The following RAD51C variants were observed in gnomAD, a reference collection of about 807,000 sequenced individuals.
The protein encoded by RAD51C is DNA repair protein RAD51 homolog 3.
A neutral mutation model predicts 45.0 loss-of-function variants in RAD51C; 42 were observed. The observed-to-expected ratio is 0.93, with a 90% confidence interval of 0.73 to 1.21. RAD51C has a LOEUF of 1.21. RAD51C is among the 50% of genes most tolerant of loss of function. The pLI, the probability that RAD51C is intolerant of heterozygous loss-of-function variation, is 0.00. For synonymous variants in RAD51C, 172 were observed against 159.8 expected (o/e 1.08, Z -0.58); for missense variants, 474 against 452.2 (o/e 1.05, Z -0.44).
intron 5 of RAD51C, among the ~76,000 whole-genome samples, chr17:58,714,204 CAA>C (rs2048654220): frequency 6.6e-6 from 1 of 152,072 alleles, no homozygotes; most frequent in African/African-American, 2.4e-5. Context: ...AGGCTGGTCT[CAA>C]ACTCCTGACC....
chr17:58,729,523 A>G (rs778574416), intron 7 of RAD51C, among the ~76,000 whole-genome samples: 5 of 151,164 alleles, frequency 3.3e-5, no homozygotes, highest in African/African-American at 9.7e-5. Context: ...CCTGAGGATG[A>G]TTTTCAACCT....
intron 4 of RAD51C, among the ~76,000 whole-genome samples, chr17:58,704,049 CCTGGCCCTT>C (rs1358998922): frequency 6.9e-6 from 1 of 145,830 alleles, no homozygotes; most frequent in Non-Finnish European, 1.5e-5. Context: ...AGCCACTGTG[CCTGGCCCTT>C]TAATTTTGGT....
intron 7 of RAD51C, among the ~76,000 whole-genome samples, chr17:58,728,736 AT>A (rs1253618174): frequency 3.9e-5 from 6 of 152,176 alleles, no homozygotes; most frequent in Non-Finnish European, 8.8e-5. Context: ...TATATTGGGC[AT>A]TGAACTTAGG....
intron 8 of RAD51C, 156 bp downstream of exon 8, chr17:58,732,700 T>G: frequency 1.4e-6 from 1 of 700,972 alleles, no homozygotes; most frequent in South Asian, 1.6e-5. Context: ...AATAGTAGTA[T>G]ATACAGAATA....
chr17:58,724,887 T>C (rs2049059326), intron 7 of RAD51C, among the ~76,000 whole-genome samples: 2 of 152,176 alleles, frequency 1.3e-5, no homozygotes, highest in Non-Finnish European at 2.9e-5. Context: ...AAAGATGGAA[T>C]AAAAGGTCAC....
chr17:58,712,554 C>G (rs2048595040), intron 5 of RAD51C, among the ~76,000 whole-genome samples: 1 of 152,016 alleles, frequency 6.6e-6, no homozygotes, highest in South Asian at 2.1e-4. Flanking sequence ...GGTGTGGTGG[C>G]TCACGCCTGT....
intron 7 of RAD51C, among the ~76,000 whole-genome samples, chr17:58,725,628 G>GA (rs928885828): frequency 2.6e-5 from 4 of 152,120 alleles, no homozygotes; most frequent in Non-Finnish European, 5.9e-5. Flanking sequence ...CAAGAGATCA[G>GA]AAAATCACGC....
chr17:58,724,016 A>G, intron 6 of RAD51C, 24 bp from the exon 7 acceptor site: 1 of 1,589,138 alleles, frequency 6.3e-7, no homozygotes, highest in Non-Finnish European at 8.6e-7. Context: ...GGCCATATAC[A>G]GTTATTATGT....
intron 7 of RAD51C, among the ~76,000 whole-genome samples, chr17:58,730,146 C>A (rs2049354588): frequency 6.6e-6 from 1 of 150,710 alleles, no homozygotes; most frequent in Non-Finnish European, 1.5e-5. Flanking sequence ...GTTTATAATT[C>A]CACTCAACAC....
chr17:58,712,043 A>C (rs1311049786), intron 5 of RAD51C, among the ~76,000 whole-genome samples: 2 of 152,070 alleles, frequency 1.3e-5, no homozygotes, highest in Non-Finnish European at 2.9e-5. Flanking sequence ...TCTAAAAAAA[A>C]AAATACATAA....
intron 5 of RAD51C, among the ~76,000 whole-genome samples, chr17:58,716,377 G>A (rs2048737502): frequency 6.6e-6 from 1 of 152,150 alleles, no homozygotes; most frequent in African/African-American, 2.4e-5. Flanking sequence ...AAAATGTACA[G>A]TCTAGTACAG....
At chr17:58,692,862 C>G (rs2047827999) in intron 1 of RAD51C, 74 bp downstream of exon 1, 2 of 1,605,682 alleles carry the variant, frequency 1.2e-6, no homozygotes, top group Non-Finnish European at 1.7e-6. Flanking sequence ...TCTCTCGCCT[C>G]GGCCTTCAGC....
intron 7 of RAD51C, among the ~76,000 whole-genome samples, chr17:58,727,248 C>T (rs1380863786): frequency 6.6e-6 from 1 of 151,770 alleles, no homozygotes; most frequent in Non-Finnish European, 1.5e-5. Context: ...TCTCAGCCTG[C>T]CGAGTAGCTG....
At chr17:58,727,971 A>G (rs942368878) in intron 7 of RAD51C, among the ~76,000 whole-genome samples, 2 of 151,502 alleles carry the variant, frequency 1.3e-5, no homozygotes, top group African/African-American at 4.8e-5. Context: ...GGCCGGGCGC[A>G]GTGGCTGACA....
rs545445561 is a variant in RAD51C at position 58,708,319 on chromosome 17, T to G, written c.706-1540T>G. On this transcript the variant is annotated intron_variant, in intron 4 of 8. Transcript: ENST00000337432. ...ATCGGAAATTACCTTATTTGTGTGTTTGTTTGCATATTAATGGTCCCTTAC... is the reference window on the plus strand; with the variant it reads ...ATCGGAAATTACCTTATTTGTGTGTGTGTTTGCATATTAATGGTCCCTTAC... Among the ~76,000 whole-genome samples, 196 of 152,252 alleles carry G rather than the reference T, an allele frequency of 1.3e-3. 1 individual carries two copies. Among genetic ancestry groups the G allele is most frequent in the African/African-American group, 4.2e-3 (174 of 41,550 alleles).
rs1311969744 is a variant in RAD51C, at chr17:58,692,724, G to A, written c.81G>A (p.Leu27=). The A allele has an allele frequency of 6.2e-7, 1 of 1,614,238 alleles. No homozygotes were observed. The highest frequency in any genetic ancestry group is 1.7e-5 in the Admixed American group (1 of 60,024). Residue 27 remains leucine (L), a synonymous_variant, in exon 1 of 9, where the codon CTG becomes CTA. Transcript: ENST00000337432. ...TGTCTCCAGCGGTGCGGGTGAAGCTGGTGTCTGCGGGGTTCCAGACTGCTG... is the reference window on the plus strand; with the variant it reads ...TGTCTCCAGCGGTGCGGGTGAAGCTAGTGTCTGCGGGGTTCCAGACTGCTG... The part of the protein sequence containing the change: ...FPLSPAVRVK[L]VSAGFQTAEE...
intron 4 of RAD51C, chr17:58,709,518 C>G (rs1255635008): frequency 5.2e-6 from 1 of 191,306 alleles, no homozygotes; most frequent in African/African-American, 2.4e-5. Flanking sequence ...AAATAAAGCC[C>G]TGGGTTTTAA....
chr17:58,734,697 C>T lies in RAD51C; in HGVS notation c.*475C>T, dbSNP rs564452432. ...GCAACCTCCGCCTCCCAGGTTCAAG[C>T]GATTCATCTGCCTCAGCCTCCCGAG... On this transcript the variant is annotated 3_prime_UTR_variant, in exon 9 of 9. Coordinates refer to ENST00000337432, the MANE Select transcript of RAD51C (RefSeq NM_058216.3). The T allele has an allele frequency of 1.1e-4, 18 of 159,736 alleles. No homozygotes were observed. In the South Asian group the frequency reaches 2.3e-3, roughly 21 times the overall value. The allele number at this position is 159,736 out of a possible 1,614,324, so 9.9% of individuals were successfully genotyped here.
At chr17:58,693,054 A>G (rs962346782) in intron 1 of RAD51C, 6 of 490,592 alleles carry the variant, frequency 1.2e-5, no homozygotes, top group Non-Finnish European at 2.2e-5. Context: ...TTAACCCTCA[A>G]CCCGCTTACG....
Sources: gnomAD v4.1 joint callset for allele counts (sites outside exome capture counted in the v4.1 genomes callset) on GRCh38, gnomAD v4.1.1 for gene constraint, MANE v1.5 for transcripts, NCBI Gene and HGNC (gene_info 2026-07-23, HGNC 2026-07-21) for gene names.